FOXP1: variants seen among roughly 807,000 people sequenced by gnomAD.
FOXP1 encodes the protein forkhead box P1.
A neutral mutation model predicts 98.2 loss-of-function variants in FOXP1; 15 were observed. The ratio of observed to expected loss-of-function variants is 0.15; its 90% CI spans 0.10 to 0.24. The LOEUF (loss-of-function observed/expected upper bound fraction) is 0.24, where lower values mean the gene tolerates loss of function less well. Ranked by LOEUF, FOXP1 falls within the 10% of genes least tolerant of loss-of-function variation. FOXP1 has a pLI of 1.00. For missense variants in FOXP1, 633 were observed against 848.5 expected, an observed-to-expected ratio of 0.75 and a Z score of 3.15; for synonymous variants, 371 against 314.5, an observed-to-expected ratio of 1.18 and a Z score of -1.90.
rs1440752852 is a variant in FOXP1, at chr3:71,053,737, T to C, written c.319A>G (p.Ile107Val). The change falls in exon 8 of 21, where the codon ATC becomes GTC. Residue 107 changes from isoleucine to valine, a missense_variant. Around this residue, in one of 6 missense-constraint regions of FOXP1, gnomAD observed 210 missense variants for 270.6 expected, o/e 0.78. Transcript: ENST00000649528. ...ATCTGCTGCATTTGCTGGGGAGTGA[T>C]AACTTGAGGTGTCATCATAGCCACT... Reference protein sequence around the residue: ...VSVAMMTPQVITPQQMQQILQ... With the variant: ...VSVAMMTPQVVTPQQMQQILQ... 6 of 1,614,016 alleles carry C rather than the reference T, an allele frequency of 3.7e-6. No homozygotes were observed. In the South Asian group the frequency reaches 5.5e-5, roughly 15 times the overall value.
At chr3:71,384,624 T>C (rs2080430655) in intron 3 of FOXP1, among the ~76,000 whole-genome samples, 1 of 152,182 alleles carries the variant, frequency 6.6e-6, no homozygotes, top group African/African-American at 2.4e-5. Context: ...TGAACGACAT[T>C]CTGAGTTGAC....
At chr3:71,188,726 G>A (rs1356858905) in intron 6 of FOXP1, among the ~76,000 whole-genome samples, 1 of 152,134 alleles carries the variant, frequency 6.6e-6, no homozygotes, top group Non-Finnish European at 1.5e-5. Context: ...CTTTTAATAG[G>A]TGGCTGTGAT....
chr3:71,160,092 TC>T (rs893517933), intron 6 of FOXP1, among the ~76,000 whole-genome samples: 1 of 152,208 alleles, frequency 6.6e-6, no homozygotes, highest in African/African-American at 2.4e-5. Context: ...CTCCACTGTG[TC>T]CCAATCAACC....
intron 2 of FOXP1, among the ~76,000 whole-genome samples, chr3:71,547,859 G>A (rs567425841): frequency 3.3e-5 from 5 of 152,200 alleles, no homozygotes; most frequent in Admixed American, 6.5e-5. Flanking sequence ...GGCCACAATG[G>A]TCTGAGCTCT....
At chr3:71,186,023 G>A (rs1459408475) in intron 6 of FOXP1, among the ~76,000 whole-genome samples, 1 of 152,152 alleles carries the variant, frequency 6.6e-6, no homozygotes, top group African/African-American at 2.4e-5. Flanking sequence ...TTTAAAAATT[G>A]TAAGAACTTT....
At chr3:71,178,474 A>G (rs908749443) in intron 6 of FOXP1, among the ~76,000 whole-genome samples, 1 of 152,140 alleles carries the variant, frequency 6.6e-6, no homozygotes, top group Non-Finnish European at 1.5e-5. Context: ...AGCTGGGTGC[A>G]GTGGCTCACT....
intron 7 of FOXP1, among the ~76,000 whole-genome samples, chr3:71,110,469 G>A (rs1383332362): frequency 2.0e-5 from 3 of 152,048 alleles, no homozygotes; most frequent in Non-Finnish European, 2.9e-5. Flanking sequence ...GAGGACTCGG[G>A]GTATTTTTAA....
At chr3:71,137,634 G>A (rs1322627700) in intron 6 of FOXP1, among the ~76,000 whole-genome samples, 3 of 152,060 alleles carry the variant, frequency 2.0e-5, no homozygotes, top group Non-Finnish European at 4.4e-5. Context: ...CAGCTCCTCC[G>A]ATGTCCAATG....
At chr3:71,313,223 C>A (rs2074829717) in intron 4 of FOXP1, among the ~76,000 whole-genome samples, 1 of 151,624 alleles carries the variant, frequency 6.6e-6, no homozygotes, top group Admixed American at 6.6e-5. Context: ...CCACGCCCAG[C>A]TAATTTTTGG....
At chr3:71,512,475 A>G (rs1577939933) in intron 2 of FOXP1, among the ~76,000 whole-genome samples, 1 of 152,210 alleles carries the variant, frequency 6.6e-6, no homozygotes, top group Admixed American at 6.5e-5. Context: ...CCTTGTTACC[A>G]AAAGCACCAT....
chr3:71,491,896 G>A (rs532833295), intron 3 of FOXP1, among the ~76,000 whole-genome samples: 42 of 152,146 alleles, frequency 2.8e-4, no homozygotes, highest in Non-Finnish European at 4.4e-5. Context: ...CACTGTCTTA[G>A]ACATATCATC....
At chr3:71,452,654 A>C (rs551700518) in intron 3 of FOXP1, among the ~76,000 whole-genome samples, 4 of 152,258 alleles carry the variant, frequency 2.6e-5, no homozygotes, top group Admixed American at 2.0e-4. Flanking sequence ...TTTGGTCAAG[A>C]CCTGTCATCC....
At chr3:70,994,354 C>A (rs2041065520) in intron 13 of FOXP1, among the ~76,000 whole-genome samples, 1 of 152,104 alleles carries the variant, frequency 6.6e-6, no homozygotes, top group Non-Finnish European at 1.5e-5. Context: ...AGAAAGTAAA[C>A]TGGGACAGTT....
At chr3:71,035,073 T>G (rs1227614063) in intron 11 of FOXP1, among the ~76,000 whole-genome samples, 2 of 152,192 alleles carry the variant, frequency 1.3e-5, no homozygotes, top group East Asian at 3.9e-4. Flanking sequence ...GAACATGTAT[T>G]CCAAACCCCT....
intron 6 of FOXP1, among the ~76,000 whole-genome samples, chr3:71,151,470 C>T (rs2060569642): frequency 6.6e-6 from 1 of 152,054 alleles, no homozygotes; most frequent in Non-Finnish European, 1.5e-5. Context: ...GCCCAAAGAC[C>T]ACTAAATGTG....
At chr3:71,343,048 G>A (rs901911664) in intron 4 of FOXP1, among the ~76,000 whole-genome samples, 1 of 152,168 alleles carries the variant, frequency 6.6e-6, no homozygotes, top group Non-Finnish European at 1.5e-5. Flanking sequence ...TCAGTAAGAT[G>A]GTGCTAGTAT....
chr3:71,306,733 T>C lies in FOXP1; in HGVS notation c.-72-6853A>G, dbSNP rs559901047. On this transcript the variant is annotated intron_variant, in intron 4 of 20. Transcript: ENST00000649528. ...GAGTTTTCCAAAAATATATCCCAAATGCCTGCCTTTCAAATGTCACCAATC... is the reference window on the plus strand; with the variant it reads ...GAGTTTTCCAAAAATATATCCCAAACGCCTGCCTTTCAAATGTCACCAATC... Among the ~76,000 whole-genome samples the C allele has an allele frequency of 1.9e-4, 28 of 149,890 alleles. No homozygotes were observed. The South Asian group carries it at 5.5e-3, about 30-fold the overall frequency.
intron 7 of FOXP1, among the ~76,000 whole-genome samples, chr3:71,080,486 G>A (rs1384245584): frequency 6.6e-6 from 1 of 151,216 alleles, no homozygotes; most frequent in African/African-American, 2.4e-5. Flanking sequence ...TTTACAATGG[G>A]AATTCACTAG....
At chr3:70,971,794 G>A (rs528190255) in intron 18 of FOXP1, 9 of 399,242 alleles carry the variant, frequency 2.3e-5, no homozygotes, top group Admixed American at 2.2e-4. Context: ...AAAATAGAAC[G>A]AATATTTGCA....
Sources: gnomAD v4.1 joint callset for allele counts (sites outside exome capture counted in the v4.1 genomes callset) on GRCh38, gnomAD v4.1.1 for gene constraint, gnomAD v4.1.1 regional missense constraint, MANE v1.5 for transcripts, NCBI Gene and HGNC (gene_info 2026-07-23, HGNC 2026-07-21) for gene names.